Variants in SAMD5 observed in about 807,000 individuals in gnomAD.
The protein encoded by SAMD5 is sterile alpha motif domain containing 5.
SAMD5 carries 13 observed loss-of-function variants against 11.3 expected under a neutral mutation model. That is an observed-to-expected ratio of 1.15 (90% CI 0.75 to 1.83). SAMD5 has a LOEUF of 1.83. SAMD5 is among the 40% of genes most tolerant of loss of function. The pLI, the probability that SAMD5 is intolerant of heterozygous loss-of-function variation, is 0.00. For missense variants in SAMD5, 255 were observed against 239.1 expected (o/e 1.07, Z -0.44); for synonymous variants, 129 against 111.3 (o/e 1.16, Z -1.00).
the SAMD5 span, among the ~76,000 whole-genome samples, chr6:147,772,112 A>G: frequency 1.3e-5 from 2 of 152,212 alleles, no homozygotes; most frequent in Admixed American, 1.3e-4. Flanking sequence ...CAAGGCAGTA[A>G]TTGAGTTTCA....
intron 1 of SAMD5, among the ~76,000 whole-genome samples, chr6:147,702,315 A>T (rs1791265614): frequency 6.6e-6 from 1 of 152,204 alleles, no homozygotes; most frequent in Admixed American, 6.5e-5. Context: ...TTGGGTGGGG[A>T]CACAGCCTAA....
chr6:147,838,538 C>A, the SAMD5 span, among the ~76,000 whole-genome samples: 1 of 143,216 alleles, frequency 7.0e-6, no homozygotes, highest in South Asian at 2.3e-4. Flanking sequence ...CCTGCCCCCC[C>A]CCCGTAGTTA....
At chr6:147,942,696 A>T in the SAMD5 span, among the ~76,000 whole-genome samples, 1 of 152,216 alleles carries the variant, frequency 6.6e-6, no homozygotes, top group Non-Finnish European at 1.5e-5. Context: ...TTGCCAAGAG[A>T]ATCCGCAATT....
chr6:147,699,696 G>A (rs1352876310), intron 1 of SAMD5, among the ~76,000 whole-genome samples: 9 of 152,102 alleles, frequency 5.9e-5, no homozygotes, highest in Admixed American at 2.0e-4. Flanking sequence ...TCTATCAAGG[G>A]TGATTTTAAA....
chr6:147,620,582 AG>A (rs1789944032), intron 1 of SAMD5, among the ~76,000 whole-genome samples: 1 of 152,208 alleles, frequency 6.6e-6, no homozygotes, highest in African/African-American at 2.4e-5. Context: ...AAGAGCCATA[AG>A]ATATATTACA....
At chr6:147,910,218 C>T in the SAMD5 span, among the ~76,000 whole-genome samples, 22 of 152,066 alleles carry the variant, frequency 1.4e-4, no homozygotes, top group East Asian at 3.1e-3. Context: ...TTCACCAAAG[C>T]GAATGGTACC....
At chr6:147,659,299 A>T (rs200323771) in intron 1 of SAMD5, among the ~76,000 whole-genome samples, 1 of 152,076 alleles carries the variant, frequency 6.6e-6, no homozygotes, top group Non-Finnish European at 1.5e-5. Flanking sequence ...TGTGGCAGGG[A>T]AATTTTGTTT....
the SAMD5 span, among the ~76,000 whole-genome samples, chr6:147,807,079 G>GT: frequency 1.6e-3 from 244 of 150,894 alleles, 4 homozygotes; most frequent in South Asian, 9.1e-3. Context: ...AATTTCTGTT[G>GT]TTTTTTTTTG....
intron 1 of SAMD5, among the ~76,000 whole-genome samples, chr6:147,704,547 T>C (rs1364086512): frequency 6.6e-6 from 1 of 151,920 alleles, no homozygotes; most frequent in Non-Finnish European, 1.5e-5. Flanking sequence ...ATATTTCTGA[T>C]GCAAATCAGA....
chr6:147,708,589 A>G lies in SAMD5; in HGVS notation c.163-28728A>G, dbSNP rs150013946. Among the ~76,000 whole-genome samples the G allele has an allele frequency of 1.0e-3, 158 of 152,364 alleles. 7 individuals carry two copies. In the East Asian group the frequency reaches 0.023, roughly 22 times the overall value. On this transcript the variant is annotated intron_variant, in intron 1 of 1. Coordinates refer to the SAMD5 transcript ENST00000566741. The stretch of plus-strand genomic sequence containing the variant: ...GAGCTAGAGAAGGGAACAGAAGTGG[A>G]AATATTTCTAGAAATATATTTGAAT...
intron 1 of SAMD5, among the ~76,000 whole-genome samples, chr6:147,677,616 T>A (rs1162733609): frequency 6.6e-6 from 1 of 151,854 alleles, no homozygotes; most frequent in African/African-American, 2.4e-5. Context: ...CAGAGTAGCA[T>A]AAAGGGGCTG....
chr6:147,889,243 C>G, the SAMD5 span, among the ~76,000 whole-genome samples: 1 of 152,258 alleles, frequency 6.6e-6, no homozygotes, highest in Admixed American at 6.5e-5. Flanking sequence ...ATTTTTTCTT[C>G]TGTCATGTCT....
rs118001094 is a variant in SAMD5 at position 147,727,267 on chromosome 6, T to C, written c.163-10050T>C. 5.3e-4 allele frequency among the ~76,000 whole-genome samples: 80 copies of C among 152,320 alleles called. 1 individual carries two copies. The East Asian group carries it at 0.014, about 27-fold the overall frequency. Reference sequence around the variant, plus strand: ...GAATGCCTTTGCTGGCCCAATTTGCTTGACAAACTCCTATGCATTCCTCAA... The same window carrying C: ...GAATGCCTTTGCTGGCCCAATTTGCCTGACAAACTCCTATGCATTCCTCAA... On this transcript the variant is annotated intron_variant, in intron 1 of 1. Transcript: ENST00000566741.
intron 1 of SAMD5, among the ~76,000 whole-genome samples, chr6:147,631,473 G>A (rs1403875894): frequency 1.3e-5 from 2 of 152,126 alleles, no homozygotes; most frequent in African/African-American, 4.8e-5. Context: ...CACCTTTCCT[G>A]AAGATTGATG....
the SAMD5 span, among the ~76,000 whole-genome samples, chr6:147,907,064 C>T: frequency 1.3e-5 from 2 of 152,338 alleles, no homozygotes; most frequent in Non-Finnish European, 1.5e-5. Context: ...TGGGCACCTT[C>T]TTCACAGAAA....
chr6:147,834,887 T>A, the SAMD5 span, among the ~76,000 whole-genome samples: 1 of 152,164 alleles, frequency 6.6e-6, no homozygotes, highest in Non-Finnish European at 1.5e-5. Flanking sequence ...TCCATAAGTA[T>A]GTAATTAAAT....
intron 1 of SAMD5, among the ~76,000 whole-genome samples, chr6:147,640,003 G>A (rs921836957): frequency 2.0e-5 from 3 of 152,052 alleles, no homozygotes; most frequent in African/African-American, 7.2e-5. Flanking sequence ...TTCAGCTGCC[G>A]TCACACACAT....
chr6:147,924,587 G>A, the SAMD5 span, among the ~76,000 whole-genome samples: 1 of 151,668 alleles, frequency 6.6e-6, no homozygotes, highest in Admixed American at 6.6e-5. Flanking sequence ...ATTTTTTCTA[G>A]CATTTACTAG....
chr6:147,529,686 C>T (rs1788398041), intron 1 of SAMD5, among the ~76,000 whole-genome samples: 1 of 152,158 alleles, frequency 6.6e-6, no homozygotes, highest in Non-Finnish European at 1.5e-5. Context: ...TTTCTGCCTA[C>T]TTCATCTCCA....
Sources: allele counts gnomAD v4.1 joint callset (sites outside exome capture counted in the v4.1 genomes callset), GRCh38; gene constraint gnomAD v4.1.1; transcripts MANE v1.5; gene names NCBI Gene and HGNC (gene_info 2026-07-23, HGNC 2026-07-21).